L3MBTL3: variants seen among roughly 807,000 people sequenced by gnomAD.
The protein encoded by L3MBTL3 is L3MBTL histone methyl-lysine binding protein 3, also known as lethal(3)malignant brain tumor-like protein 3.
Under a neutral mutation model 102.3 loss-of-function variants are expected in L3MBTL3, and 27 were observed. That is an observed-to-expected ratio of 0.26 (90% CI 0.19 to 0.36). The LOEUF (loss-of-function observed/expected upper bound fraction) is 0.36. Among genes scored for constraint, L3MBTL3 ranks in the 10% least tolerant of loss-of-function variants. L3MBTL3 has a pLI of 1.00. For synonymous variants in L3MBTL3, 340 were observed against 320.9 expected, an observed-to-expected ratio of 1.06 and a Z score of -0.64; for missense variants, 798 against 955.3, an observed-to-expected ratio of 0.84 and a Z score of 2.17.
rs151222073 is a variant in L3MBTL3 at position 130,036,265 on chromosome 6, A to G, written c.-15-6420A>G. 4.2e-3 allele frequency among the ~76,000 whole-genome samples: 643 copies of G among 152,284 alleles called. 7 individuals are homozygous for G. Among genetic ancestry groups the G allele is most frequent in the Admixed American group, 0.019 (298 of 15,288 alleles). On this transcript the variant is annotated intron_variant, in intron 2 of 22. Coordinates refer to ENST00000361794, the MANE Select transcript of L3MBTL3 (RefSeq NM_032438.4). ...TATTGGTTCCTGGCTGTTCTGCCTC[A>G]TTAATAGATGGTGGAAGAACAATCT...
intron 2 of L3MBTL3, among the ~76,000 whole-genome samples, chr6:130,035,561 G>A (rs1252954794): frequency 6.6e-6 from 1 of 152,200 alleles, no homozygotes; most frequent in Non-Finnish European, 1.5e-5. Flanking sequence ...GACTTTCAGA[G>A]TGCAATACTT....
chr6:130,049,948 C>G, intron 5 of L3MBTL3, 118 bp downstream of exon 5: 4 of 1,280,936 alleles, frequency 3.1e-6, no homozygotes, highest in Non-Finnish European at 4.2e-6. Flanking sequence ...ACCATCCACC[C>G]AGTGGACAAG....
At chr6:130,058,808 C>T (rs1282164552) in intron 9 of L3MBTL3, among the ~76,000 whole-genome samples, 2 of 152,128 alleles carry the variant, frequency 1.3e-5, no homozygotes, top group Non-Finnish European at 2.9e-5. Flanking sequence ...GGCTTTGACC[C>T]GCAGACTGGA....
chr6:130,113,764 G>A (rs1785489897), intron 19 of L3MBTL3, among the ~76,000 whole-genome samples: 3 of 152,294 alleles, frequency 2.0e-5, no homozygotes, highest in South Asian at 2.1e-4. Flanking sequence ...TTTTTAGCAC[G>A]AATCCAATTT....
intron 2 of L3MBTL3, among the ~76,000 whole-genome samples, chr6:130,028,470 A>G (rs1043703006): frequency 6.6e-6 from 1 of 152,224 alleles, no homozygotes; most frequent in Non-Finnish European, 1.5e-5. Flanking sequence ...AGAAGACCCA[A>G]CTTCTCAAGG....
At chr6:130,031,534 C>G in intron 2 of L3MBTL3, among the ~76,000 whole-genome samples, 1 of 152,208 alleles carries the variant, frequency 6.6e-6, no homozygotes, top group East Asian at 1.9e-4. Flanking sequence ...TCTCTTTTCA[C>G]AAACCCCTTT....
At position 130,057,035 on chromosome 6, in the gene L3MBTL3, A is replaced by G. The variant is rs188014711; in HGVS notation, c.668-371A>G. On this transcript the variant is annotated intron_variant, in intron 8 of 22. Transcript: ENST00000361794. ...CCTTTTCAAGATTAGCAGCCACTCAATGCACTGGCCTTTCCACAGTCCTCA... is the reference window on the plus strand; with the variant it reads ...CCTTTTCAAGATTAGCAGCCACTCAGTGCACTGGCCTTTCCACAGTCCTCA... Among the ~76,000 whole-genome samples, 6 of 152,288 alleles carry G rather than the reference A, an allele frequency of 3.9e-5. No homozygotes were observed. The East Asian group carries it at 7.7e-4, about 20-fold the overall frequency.
intron 2 of L3MBTL3, among the ~76,000 whole-genome samples, chr6:130,030,572 C>T (rs543141760): frequency 7.3e-6 from 1 of 137,448 alleles, no homozygotes; most frequent in Admixed American, 7.9e-5. Context: ...GAGGTTGAGG[C>T]GGGAGAATGG....
At chr6:130,107,277 T>A (rs1321193819) in intron 19 of L3MBTL3, among the ~76,000 whole-genome samples, 1 of 152,238 alleles carries the variant, frequency 6.6e-6, no homozygotes, top group African/African-American at 2.4e-5. Context: ...GTAGGAAATG[T>A]AAAAGAGCTA....
intron 8 of L3MBTL3, among the ~76,000 whole-genome samples, chr6:130,055,517 T>A (rs1292880529): frequency 8.2e-6 from 1 of 121,638 alleles, no homozygotes; most frequent in African/African-American, 3.0e-5. Context: ...CCTGCCTCTC[T>A]CCCTGCCTCT....
At chr6:130,050,344 A>G (rs947118239) in intron 5 of L3MBTL3, among the ~76,000 whole-genome samples, 6 of 152,206 alleles carry the variant, frequency 3.9e-5, no homozygotes, top group Non-Finnish European at 5.9e-5. Flanking sequence ...TGCCAGCAGC[A>G]CAGAATTACG....
intron 13 of L3MBTL3, among the ~76,000 whole-genome samples, chr6:130,076,416 G>C (rs1044115816): frequency 2.6e-5 from 4 of 152,022 alleles, no homozygotes; most frequent in African/African-American, 7.2e-5. Context: ...CATAAAATGA[G>C]GATCTTCATG....
At chr6:130,090,786 C>T (rs2115207318) in intron 16 of L3MBTL3, among the ~76,000 whole-genome samples, 1 of 151,946 alleles carries the variant, frequency 6.6e-6, no homozygotes, top group Admixed American at 6.6e-5. Flanking sequence ...TGGGGTTTGC[C>T]ATGTTGTCCA....
intron 19 of L3MBTL3, among the ~76,000 whole-genome samples, chr6:130,104,776 A>G (rs1784888820): frequency 6.6e-6 from 1 of 151,996 alleles, no homozygotes; most frequent in Non-Finnish European, 1.5e-5. Context: ...GCATGTCCAA[A>G]TCAGGCAGGA....
rs1256893719 is a variant in L3MBTL3, at chr6:130,139,814, A to G, written c.*61A>G. ...TTAAAGCTCATGTTTTATTCAAAGC[A>G]CAAGGACGGTTATAACTCCTAAGTG... On this transcript the variant is annotated 3_prime_UTR_variant, in exon 23 of 23. Transcript: ENST00000361794. 3.9e-6 allele frequency: 6 copies of G among 1,531,206 alleles called. No homozygotes were observed. The African/African-American group carries it at 4.1e-5, about 10-fold the overall frequency. The allele number at this position is 1,531,206 out of a possible 1,614,324, so 94.9% of individuals were successfully genotyped here. A position where few individuals can be genotyped will look rare whatever the true frequency, so the allele number is the denominator to read the frequency against.
chr6:130,092,002 A>T (rs911984181), intron 16 of L3MBTL3, among the ~76,000 whole-genome samples: 1 of 152,118 alleles, frequency 6.6e-6, no homozygotes, highest in Non-Finnish European at 1.5e-5. Flanking sequence ...TAACTAGTAG[A>T]ATTGGAATAT....
intron 15 of L3MBTL3, 36 bp from the exon 16 acceptor site, chr6:130,086,104 C>A: frequency 7.3e-7 from 1 of 1,360,918 alleles, no homozygotes; most frequent in South Asian, 1.2e-5. Context: ...TTCTCTTCCT[C>A]TTTATCTCAC....
At chr6:130,027,759 G>C (rs992923039) in intron 2 of L3MBTL3, among the ~76,000 whole-genome samples, 1 of 152,064 alleles carries the variant, frequency 6.6e-6, no homozygotes, top group Non-Finnish European at 1.5e-5. Context: ...AAATAAAAAA[G>C]AACAAGAGAG....
chr6:130,131,455 C>A (rs7775285), intron 20 of L3MBTL3, among the ~76,000 whole-genome samples: 19,710 of 152,132 alleles, frequency 0.13, 2,166 homozygotes, highest in African/African-American at 0.29. Context: ...ACACATGCTG[C>A]GACCTCAGAG....
Sources: gnomAD v4.1 joint callset for allele counts (sites outside exome capture counted in the v4.1 genomes callset) on GRCh38, gnomAD v4.1.1 for gene constraint, MANE v1.5 for transcripts, NCBI Gene and HGNC (gene_info 2026-07-23, HGNC 2026-07-21) for gene names.